The following IL1RAPL1 variants were observed in gnomAD, a reference collection of about 807,000 sequenced individuals.
IL1RAPL1 encodes interleukin 1 receptor accessory protein like 1.
A neutral mutation model predicts 48.4 loss-of-function variants in IL1RAPL1; 3 were observed. That is an observed-to-expected ratio of 0.06 (90% CI 0.03 to 0.16). The LOEUF (loss-of-function observed/expected upper bound fraction) is 0.16. IL1RAPL1 is among the 10% of genes least tolerant of loss of function. The pLI is 1.00. For synonymous variants in IL1RAPL1, 185 were observed against 187.7 expected (o/e 0.99, Z 0.12); for missense variants, 349 against 530.6 (o/e 0.66, Z 3.36).
intron 6 of IL1RAPL1, among the ~76,000 whole-genome samples, chrX:29,837,270 A>ATATATATAT (rs1362518375): frequency 1.9e-5 from 1 of 51,367 alleles, no homozygotes; most frequent in African/African-American, 9.1e-5. Context: ...AAAAAAAAAA[A>ATATATATAT]AAATATATAT....
At position 28,757,858 on chromosome X, in the gene IL1RAPL1, A is replaced by T. The variant is rs774003891; in HGVS notation, c.-24-31462A>T. 2.7e-5 allele frequency among the ~76,000 whole-genome samples: 3 copies of T among 111,031 alleles called. No homozygotes were observed. In the Admixed American group the frequency reaches 2.9e-4, roughly 11 times the overall value. Reference sequence around the variant, plus strand: ...CTTTTCTAATTCATTTTATCCTGTTATTTTCTTTATCACTCTCCCCCTCTA... The same window carrying T: ...CTTTTCTAATTCATTTTATCCTGTTTTTTTCTTTATCACTCTCCCCCTCTA... On this transcript the variant is annotated intron_variant, in intron 1 of 10. Coordinates refer to ENST00000378993, the MANE Select transcript of IL1RAPL1 (RefSeq NM_014271.4).
intron 1 of IL1RAPL1, among the ~76,000 whole-genome samples, chrX:28,590,194 A>G (rs772998439): frequency 1.8e-5 from 2 of 111,454 alleles, no homozygotes; most frequent in Non-Finnish European, 1.9e-5. Flanking sequence ...TCACATATTC[A>G]CAAAAAATGA....
chrX:29,745,525 C>T (rs1928314556), intron 6 of IL1RAPL1, among the ~76,000 whole-genome samples: 1 of 94,594 alleles, frequency 1.1e-5, no homozygotes, highest in African/African-American at 4.0e-5. Flanking sequence ...TGGCTCACTG[C>T]AACCTCCACC....
chrX:29,934,645 A>C (rs1422380934), intron 8 of IL1RAPL1, among the ~76,000 whole-genome samples: 2 of 111,589 alleles, frequency 1.8e-5, no homozygotes, highest in African/African-American at 3.3e-5. Flanking sequence ...CATTTACCTT[A>C]TCTCTCTTCC....
In IL1RAPL1 at chrX:28,872,110, C is replaced by A. The variant is rs149331530; in HGVS notation, c.82+82685C>A. Among the ~76,000 whole-genome samples the A allele has an allele frequency of 1.2e-4, 13 of 111,672 alleles. No homozygotes were observed. The East Asian group carries it at 3.7e-3, about 32-fold the overall frequency. On this transcript the variant is annotated intron_variant, in intron 2 of 10. Transcript: ENST00000378993. ...GCAGCCTCGACCTCTTGGACTCAAG[C>A]AATCCTCCTGCCTCAGCCTCCTGAT...
chrX:28,987,575 T>A (rs1049341642), intron 2 of IL1RAPL1, among the ~76,000 whole-genome samples: 1 of 111,689 alleles, frequency 9.0e-6, no homozygotes, highest in Non-Finnish European at 1.9e-5. Flanking sequence ...GAATCCTAAT[T>A]ACTAAACTCA....
intron 5 of IL1RAPL1, among the ~76,000 whole-genome samples, chrX:29,520,998 A>C (rs181950077): frequency 9.0e-6 from 1 of 111,453 alleles, no homozygotes; most frequent in Non-Finnish European, 1.9e-5. Flanking sequence ...TTTGTAATGT[A>C]ATCCATGGTA....
intron 8 of IL1RAPL1, among the ~76,000 whole-genome samples, chrX:29,939,901 C>T (rs1465663325): frequency 5.5e-4 from 52 of 93,829 alleles, no homozygotes; most frequent in African/African-American, 2.1e-3. Context: ...CTCGTTCTGT[C>T]GCCCAGGCTG....
chrX:29,243,509 T>C (rs1931457609), intron 2 of IL1RAPL1, among the ~76,000 whole-genome samples: 1 of 111,674 alleles, frequency 9.0e-6, no homozygotes, highest in South Asian at 3.8e-4. Context: ...ATAAGAAATG[T>C]CATCCTCTCA....
At chrX:29,104,795 G>A (rs1392610388) in intron 2 of IL1RAPL1, among the ~76,000 whole-genome samples, 5 of 110,938 alleles carry the variant, frequency 4.5e-5, no homozygotes, top group African/African-American at 6.6e-5. Context: ...TCTAAAGGCA[G>A]GCATATGAGA....
At chrX:29,941,513 G>A in intron 8 of IL1RAPL1, 138 bp from the exon 9 acceptor site, 1 of 618,049 alleles carries the variant, frequency 1.6e-6, no homozygotes, top group Non-Finnish European at 2.7e-6. Context: ...AAATTCTCAT[G>A]CAAAAAGGAA....
chrX:28,645,290 T>A (rs778748453), intron 1 of IL1RAPL1, among the ~76,000 whole-genome samples: 2 of 84,637 alleles, frequency 2.4e-5, no homozygotes, highest in Admixed American at 1.8e-4. Context: ...GAGGTCGTGG[T>A]GGGCTGAGAT....
intron 2 of IL1RAPL1, among the ~76,000 whole-genome samples, chrX:28,984,837 C>T (rs991955025): frequency 8.9e-6 from 1 of 111,735 alleles, no homozygotes; most frequent in African/African-American, 3.3e-5. Context: ...AGATGTCACC[C>T]TTTTTTCATC....
intron 1 of IL1RAPL1, among the ~76,000 whole-genome samples, chrX:28,620,120 A>G (rs750594446): frequency 4.2e-4 from 47 of 110,893 alleles, no homozygotes; most frequent in Admixed American, 1.3e-3. Context: ...GATTTTGTAG[A>G]CACATTTGAC....
At chrX:29,295,132 G>GA (rs1036404498) in intron 3 of IL1RAPL1, among the ~76,000 whole-genome samples, 1 of 111,725 alleles carries the variant, frequency 9.0e-6, no homozygotes, top group Non-Finnish European at 1.9e-5. Flanking sequence ...ATTTTTGGAA[G>GA]AAAAAAATCC....
chrX:29,479,438 T>C (rs1410640202), intron 5 of IL1RAPL1, among the ~76,000 whole-genome samples: 26 of 72,310 alleles, frequency 3.6e-4, no homozygotes, highest in Admixed American at 1.5e-3. Context: ...AAAATTAGCA[T>C]TGTAAGTGTT....
chrX:28,712,753 A>G (rs1006493151), intron 1 of IL1RAPL1, among the ~76,000 whole-genome samples: 1 of 111,349 alleles, frequency 9.0e-6, no homozygotes, highest in Non-Finnish European at 1.9e-5. Context: ...AAGAACCCAA[A>G]CCAAGTGATA....
At chrX:29,704,700 C>T (rs1327559868) in intron 6 of IL1RAPL1, among the ~76,000 whole-genome samples, 1 of 110,878 alleles carries the variant, frequency 9.0e-6, no homozygotes, top group African/African-American at 3.3e-5. Flanking sequence ...AATAGAAAAC[C>T]TATTTTAGAA....
intron 2 of IL1RAPL1, among the ~76,000 whole-genome samples, chrX:29,251,702 G>GT (rs1354272308): frequency 9.0e-6 from 1 of 111,189 alleles, no homozygotes; most frequent in East Asian, 2.8e-4. Context: ...GTAAAAGAAT[G>GT]TTTTGTGTTT....
Sources: gnomAD v4.1 joint callset for allele counts (sites outside exome capture counted in the v4.1 genomes callset) on GRCh38, gnomAD v4.1.1 for gene constraint, MANE v1.5 for transcripts, NCBI Gene and HGNC (gene_info 2026-07-23, HGNC 2026-07-21) for gene names.